The following GRIK4 variants were observed in gnomAD, a reference collection of about 807,000 sequenced individuals.
The protein encoded by GRIK4 is glutamate ionotropic receptor kainate type subunit 4, also known as glutamate receptor ionotropic, kainate 4.
In GRIK4, 40 loss-of-function variants were observed where a neutral mutation model predicts 104.9. The ratio of observed to expected loss-of-function variants is 0.38; its 90% CI spans 0.30 to 0.50. GRIK4 has a LOEUF of 0.50. GRIK4 is among the 20% of genes least tolerant of loss of function. GRIK4 has a pLI of 0.93. For synonymous variants in GRIK4, 485 were observed against 524.9 expected (o/e 0.92, Z 1.04); for missense variants, 1,047 against 1,308.1 (o/e 0.80, Z 3.08).
In GRIK4 at chr11:120,815,406, C is replaced by T. The variant is rs764785073; in HGVS notation, c.276C>T (p.Val92=). The change falls in exon 5 of 21, where the codon GTC becomes GTT. Residue 92 remains valine, a synonymous_variant. Transcript: ENST00000527524. Reference sequence around the variant, plus strand: ...GTCAGATCCTCCCCAAGGGGGTGGTCGCTGTCCTCGGACCATCGTCCAGCC... The same window carrying T: ...GTCAGATCCTCCCCAAGGGGGTGGTTGCTGTCCTCGGACCATCGTCCAGCC... ...TMCQILPKGV[V]AVLGPSSSPA... 2 of 1,550,788 alleles carry T rather than the reference C, an allele frequency of 1.3e-6. No individual in the cohort carries two copies. Among genetic ancestry groups the T allele is most frequent in the Non-Finnish European group, 1.7e-6 (2 of 1,146,246 alleles).
intron 1 of GRIK4, among the ~76,000 whole-genome samples, chr11:120,574,170 G>T (rs776364443): frequency 5.9e-5 from 9 of 152,282 alleles, no homozygotes; most frequent in East Asian, 1.9e-4. Context: ...GTGCGTGGTG[G>T]GGCTCTGTCA....
chr11:120,582,221 A>G (rs1176685214), intron 1 of GRIK4, among the ~76,000 whole-genome samples: 2 of 151,922 alleles, frequency 1.3e-5, no homozygotes, highest in African/African-American at 4.8e-5. Flanking sequence ...CAGGCCTGAA[A>G]AGTAATAACA....
chr11:120,864,042 C>T (rs1471720808), intron 9 of GRIK4, among the ~76,000 whole-genome samples: 2 of 151,992 alleles, frequency 1.3e-5, no homozygotes, highest in African/African-American at 4.8e-5. Flanking sequence ...GGAAGGGCAG[C>T]TGAAGGAAGG....
intron 1 of GRIK4, among the ~76,000 whole-genome samples, chr11:120,548,145 G>A (rs1223126415): frequency 1.3e-5 from 2 of 152,156 alleles, no homozygotes; most frequent in Non-Finnish European, 2.9e-5. Flanking sequence ...GCTGGACTCT[G>A]AGGCCCACGC....
chr11:120,936,885 G>C (rs1198171757), intron 13 of GRIK4, among the ~76,000 whole-genome samples: 1 of 151,312 alleles, frequency 6.6e-6, no homozygotes, highest in East Asian at 1.9e-4. Flanking sequence ...CAGAGGAGCA[G>C]AAGGGCTTGG....
intron 7 of GRIK4, among the ~76,000 whole-genome samples, chr11:120,835,015 G>A (rs1953537118): frequency 6.6e-6 from 1 of 152,180 alleles, no homozygotes; most frequent in Non-Finnish European, 1.5e-5. Flanking sequence ...GCGTAGGATG[G>A]GTTGGTCATC....
At position 120,939,351 on chromosome 11, in the gene GRIK4, G is replaced by T. The variant is rs1379881692; in HGVS notation, c.1477-996G>T. Among the ~76,000 whole-genome samples, 1 of 152,180 alleles carries T rather than the reference G, an allele frequency of 6.6e-6. No homozygotes were observed. The highest frequency in any genetic ancestry group is 2.4e-5 in the African/African-American group (1 of 41,438). On this transcript the variant is annotated intron_variant, in intron 13 of 20. Transcript: ENST00000527524. The surrounding 1 kb of genome is among the most constrained non-coding windows in gnomAD (Gnocchi z 5.6). ...AGGGGAAAGGAAGGAAGCCTTTATT[G>T]AACAAATGCTGGTTGTTGTGCATTA...
At chr11:120,556,056 C>T (rs987058575) in intron 1 of GRIK4, among the ~76,000 whole-genome samples, 3 of 152,126 alleles carry the variant, frequency 2.0e-5, no homozygotes, top group Admixed American at 6.5e-5. Context: ...CACAGAGCGC[C>T]GTCTAATGTG....
chr11:120,575,666 C>T lies in GRIK4; in HGVS notation c.-159+63779C>T, dbSNP rs117780424. The T allele has an allele frequency of 3.2e-3, 485 of 152,344 alleles. 1 individual carries two copies. Among genetic ancestry groups the T allele is most frequent in the Non-Finnish European group, 5.6e-3 (379 of 68,124 alleles). The allele number at this position is 152,344 out of a possible 1,614,324, so 9.4% of individuals were successfully genotyped here. ...TCCTGCTCTTGCCCCATTCTCCCTC[C>T]AGAAACCACAGGTCACTCTGACTTC... On this transcript the variant is annotated intron_variant, in intron 1 of 20. Transcript: ENST00000527524.
intron 1 of GRIK4, among the ~76,000 whole-genome samples, chr11:120,603,666 G>C (rs1227532379): frequency 6.6e-6 from 1 of 152,200 alleles, no homozygotes; most frequent in African/African-American, 2.4e-5. Context: ...AGGGCCCAGG[G>C]CTTGGGTTCA....
chr11:120,847,444 G>C (rs757142782), intron 8 of GRIK4, among the ~76,000 whole-genome samples: 1 of 152,214 alleles, frequency 6.6e-6, no homozygotes, highest in Admixed American at 6.5e-5. Context: ...ATCAAAGGAA[G>C]GCCTCCAGAC....
At chr11:120,858,097 G>A (rs898152996) in intron 8 of GRIK4, 3 of 152,154 alleles carry the variant, frequency 2.0e-5, no homozygotes, top group Non-Finnish European at 2.9e-5. Context: ...ATAAGAAGAG[G>A]ATCAAGGTCC....
In GRIK4 at chr11:120,785,606, G is replaced by A. The variant is rs115377326; in HGVS notation, c.83-17087G>A. Among the ~76,000 whole-genome samples the A allele has an allele frequency of 2.6e-4, 39 of 152,306 alleles. No individual in the cohort carries two copies. In the South Asian group the frequency reaches 2.7e-3, roughly 11 times the overall value. ...CAAAAGGTGAACCTTGTGAAAGTCC[G>A]AGAGTTAGCTCATATCAGGGTCAAG... is the stretch of plus-strand genomic sequence containing the variant. On this transcript the variant is annotated intron_variant, in intron 3 of 20. Transcript: ENST00000527524.
At chr11:120,945,288 T>C (rs371051620) in intron 14 of GRIK4, among the ~76,000 whole-genome samples, 2 of 152,356 alleles carry the variant, frequency 1.3e-5, no homozygotes, top group East Asian at 1.9e-4. Context: ...TAGATGGAGC[T>C]GCTTGCCCTC....
intron 8 of GRIK4, among the ~76,000 whole-genome samples, chr11:120,855,910 G>C (rs74319964): frequency 6.6e-6 from 1 of 152,368 alleles, no homozygotes; most frequent in Non-Finnish European, 1.5e-5. Flanking sequence ...AAGTAGCTAA[G>C]AGTCACCTCT....
Position 120,836,707 on chromosome 11 carries a change from G to A in GRIK4, c.691-84G>A, listed in dbSNP as rs1830207665. 2.5e-5 allele frequency: 21 copies of A among 849,502 alleles called. No individual in the cohort carries two copies. In the South Asian group the frequency reaches 2.8e-4, roughly 11 times the overall value. The allele number at this position is 849,502 out of a possible 1,614,324, so 52.6% of individuals were successfully genotyped here. On this transcript the variant is annotated intron_variant, in intron 7 of 20. Transcript: ENST00000527524. ...CCAAGGGGCAGTGGGCCAGACAAAT[G>A]GTAGACACTTGGAACCCCTACTGCT...
At chr11:120,585,725 G>GTTTT (rs5795236) in intron 1 of GRIK4, among the ~76,000 whole-genome samples, 1 of 141,966 alleles carries the variant, frequency 7.0e-6, no homozygotes, top group Non-Finnish European at 1.5e-5. Context: ...TTTTGTTTTT[G>GTTTT]TTTTTTTTTT....
chr11:120,639,036 A>G (rs780583356), intron 1 of GRIK4, among the ~76,000 whole-genome samples: 2 of 151,728 alleles, frequency 1.3e-5, no homozygotes, highest in Non-Finnish European at 2.9e-5. Flanking sequence ...TTCTGTACTA[A>G]AAATACAAAA....
intron 3 of GRIK4, among the ~76,000 whole-genome samples, chr11:120,783,560 C>G (rs1952204689): frequency 6.6e-6 from 1 of 152,094 alleles, no homozygotes; most frequent in Admixed American, 6.6e-5. Flanking sequence ...GGTCTCGGTT[C>G]TTAATTTTTA....
Sources: gnomAD v4.1 joint callset for allele counts (sites outside exome capture counted in the v4.1 genomes callset) on GRCh38, gnomAD v4.1.1 for gene constraint, Gnocchi (gnomAD v3.1) non-coding constraint, MANE v1.5 for transcripts, NCBI Gene and HGNC (gene_info 2026-07-23, HGNC 2026-07-21) for gene names.